Variants in CRPPA observed in about 807,000 individuals in gnomAD.
The protein encoded by CRPPA is CDP-L-ribitol pyrophosphorylase A, also known as D-ribitol-5-phosphate cytidylyltransferase.
Under a neutral mutation model 52.0 loss-of-function variants are expected in CRPPA, and 43 were observed. That is an observed-to-expected ratio of 0.83 (90% CI 0.65 to 1.07). CRPPA has a LOEUF of 1.07. Ranked by LOEUF, CRPPA falls within the 50% of genes least tolerant of loss-of-function variation. The pLI is 0.00. For missense variants in CRPPA, 629 were observed against 551.7 expected (o/e 1.14, Z -1.40); for synonymous variants, 250 against 203.5 (o/e 1.23, Z -1.94).
intron 9 of CRPPA, among the ~76,000 whole-genome samples, chr7:16,142,736 A>T (rs1221263003): frequency 6.6e-6 from 1 of 152,226 alleles, no homozygotes; most frequent in Non-Finnish European, 1.5e-5. Context: ...ATAATTTAAA[A>T]TTCTGTCCTG....
intron 3 of CRPPA, among the ~76,000 whole-genome samples, chr7:16,331,772 G>T (rs1439861066): frequency 6.6e-6 from 1 of 152,122 alleles, no homozygotes; most frequent in African/African-American, 2.4e-5. Flanking sequence ...TGAGCTTGAG[G>T]TTATCTTAAT....
At chr7:16,185,876 G>GAA (rs2128388965) in intron 9 of CRPPA, among the ~76,000 whole-genome samples, 1 of 152,250 alleles carries the variant, frequency 6.6e-6, no homozygotes, top group South Asian at 2.1e-4. Flanking sequence ...AACTGTAAAA[G>GAA]AACGTTTACC....
intron 9 of CRPPA, among the ~76,000 whole-genome samples, chr7:16,191,439 A>G (rs1781607067): frequency 6.6e-6 from 1 of 152,140 alleles, no homozygotes; most frequent in South Asian, 2.1e-4. Flanking sequence ...CTGAGAGTAA[A>G]ATAGATTTGC....
intron 9 of CRPPA, among the ~76,000 whole-genome samples, chr7:16,195,642 G>A (rs1386341018): frequency 6.6e-6 from 1 of 152,068 alleles, no homozygotes; most frequent in African/African-American, 2.4e-5. Flanking sequence ...CATCTCTGGG[G>A]CCAGGCTGTG....
At chr7:16,408,300 A>G (rs560505879) in intron 1 of CRPPA, among the ~76,000 whole-genome samples, 14 of 152,266 alleles carry the variant, frequency 9.2e-5, no homozygotes, top group African/African-American at 3.1e-4. Flanking sequence ...CTTTGGGGGC[A>G]TTCTCCAAGA....
chr7:16,254,750 A>AC, intron 8 of CRPPA, among the ~76,000 whole-genome samples: 7 of 150,336 alleles, frequency 4.7e-5, no homozygotes, highest in East Asian at 3.9e-4. Context: ...AGAAAGACAG[A>AC]AAGAAAGAAA....
At chr7:16,251,342 A>G (rs762095759) in intron 8 of CRPPA, among the ~76,000 whole-genome samples, 7 of 151,740 alleles carry the variant, frequency 4.6e-5, no homozygotes, top group Non-Finnish European at 7.4e-5. Context: ...AACAAGGATA[A>G]TGAGGACTTG....
intron 9 of CRPPA, among the ~76,000 whole-genome samples, chr7:16,180,689 C>T (rs17169316): frequency 0.052 from 7,942 of 152,056 alleles, 675 homozygotes; most frequent in African/African-American, 0.18. Flanking sequence ...CCAATTGTTA[C>T]AGTCAGCTTT....
intron 9 of CRPPA, among the ~76,000 whole-genome samples, chr7:16,210,831 C>T (rs1314701602): frequency 2.6e-5 from 4 of 151,484 alleles, no homozygotes; most frequent in Non-Finnish European, 5.9e-5. Context: ...CAGAAAGTAG[C>T]TTCTTTTATC....
At chr7:16,154,727 T>C (rs1783140247) in intron 9 of CRPPA, among the ~76,000 whole-genome samples, 1 of 152,094 alleles carries the variant, frequency 6.6e-6, no homozygotes, top group Non-Finnish European at 1.5e-5. Context: ...CCTTGATTAA[T>C]GCTTTTAAAT....
At chr7:16,401,507 G>C (rs147089404) in intron 2 of CRPPA, among the ~76,000 whole-genome samples, 1 of 152,296 alleles carries the variant, frequency 6.6e-6, no homozygotes, top group Non-Finnish European at 1.5e-5. Flanking sequence ...CAAAGCTGAG[G>C]TAAGAAGGAT....
chr7:16,401,807 G>A (rs927606370), intron 2 of CRPPA, among the ~76,000 whole-genome samples: 7 of 151,826 alleles, frequency 4.6e-5, no homozygotes, highest in African/African-American at 1.5e-4. Flanking sequence ...AAAAGATTAC[G>A]GACCTCTAAT....
At position 16,176,302 on chromosome 7, in the gene CRPPA, T is replaced by C. The variant is rs532166932; in HGVS notation, c.1251+39764A>G. Reference sequence around the variant, plus strand: ...TATTTTTCCTAAACATTATGCGTCATTCTACACTTAAAATTTGTTGAATGT... The same window carrying C: ...TATTTTTCCTAAACATTATGCGTCACTCTACACTTAAAATTTGTTGAATGT... On this transcript the variant is annotated intron_variant, in intron 9 of 9. Coordinates refer to ENST00000407010, the MANE Select transcript of CRPPA (RefSeq NM_001101426.4). Among the ~76,000 whole-genome samples, 14 of 152,304 alleles carry C rather than the reference T, an allele frequency of 9.2e-5. No individual in the cohort carries two copies. In the South Asian group the frequency reaches 1.2e-3, roughly 14 times the overall value.
At chr7:16,194,252 T>C (rs1406059723) in intron 9 of CRPPA, among the ~76,000 whole-genome samples, 2 of 152,116 alleles carry the variant, frequency 1.3e-5, no homozygotes, top group Non-Finnish European at 2.9e-5. Context: ...ATAACACTAT[T>C]GCCCTAGAAC....
chr7:16,218,095 C>T (rs546408079), intron 8 of CRPPA, among the ~76,000 whole-genome samples: 7 of 151,930 alleles, frequency 4.6e-5, no homozygotes, highest in South Asian at 2.1e-4. Flanking sequence ...CAGATCTCTC[C>T]GCAGAAACCC....
intron 9 of CRPPA, among the ~76,000 whole-genome samples, chr7:16,140,306 C>T (rs1782844351): frequency 6.6e-6 from 1 of 151,698 alleles, no homozygotes; most frequent in South Asian, 2.1e-4. Flanking sequence ...CACCACCATG[C>T]CAGGCAATGC....
intron 4 of CRPPA, among the ~76,000 whole-genome samples, chr7:16,303,503 A>AAAAAAAAAC (rs1784839793): frequency 1.4e-5 from 2 of 138,130 alleles, no homozygotes; most frequent in Non-Finnish European, 3.2e-5. Flanking sequence ...AAAAAAAAAA[A>AAAAAAAAAC]CTTTCAGAAC....
chr7:16,254,242 A>G (rs1783549147), intron 8 of CRPPA, among the ~76,000 whole-genome samples: 1 of 152,234 alleles, frequency 6.6e-6, no homozygotes, highest in Non-Finnish European at 1.5e-5. Context: ...TACTGGGTAT[A>G]TACCCAAAAG....
At chr7:16,226,865 A>G (rs538633107) in intron 8 of CRPPA, among the ~76,000 whole-genome samples, 4 of 151,994 alleles carry the variant, frequency 2.6e-5, no homozygotes, top group African/African-American at 9.6e-5. Flanking sequence ...TTGTAGTCAG[A>G]CTGTACAATC....
Sources: allele counts gnomAD v4.1 joint callset (sites outside exome capture counted in the v4.1 genomes callset), GRCh38; gene constraint gnomAD v4.1.1; transcripts MANE v1.5; gene names NCBI Gene and HGNC (gene_info 2026-07-23, HGNC 2026-07-21).